Variants in CD96 observed in about 807,000 individuals in gnomAD.
The protein encoded by CD96 is T-cell surface protein tactile.
In CD96, 70 loss-of-function variants were observed where a neutral mutation model predicts 71.3. That is an observed-to-expected ratio of 0.98 (90% confidence interval 0.81 to 1.20). The LOEUF (loss-of-function observed/expected upper bound fraction) is 1.20. Among genes scored for constraint, CD96 ranks in the 50% most tolerant of loss-of-function variants. The probability of loss-of-function intolerance (pLI) is 0.00; values close to 1 mark genes in which losing one functional copy is unlikely to be tolerated. For synonymous variants in CD96, 248 were observed against 233.0 expected, an observed-to-expected ratio of 1.06 and a Z score of -0.59; for missense variants, 742 against 677.5, an observed-to-expected ratio of 1.10 and a Z score of -1.06.
chr3:111,642,959 TA>T (rs1939660662), intron 12 of CD96, among the ~76,000 whole-genome samples: 1 of 151,272 alleles, frequency 6.6e-6, no homozygotes, highest in Non-Finnish European at 1.5e-5. Flanking sequence ...GAATCCTCCC[TA>T]ATTCATTCTG....
intron 2 of CD96, among the ~76,000 whole-genome samples, chr3:111,563,964 G>A (rs1382539183): frequency 6.6e-6 from 1 of 151,896 alleles, no homozygotes; most frequent in Non-Finnish European, 1.5e-5. Flanking sequence ...TAAAATCTTT[G>A]GCTCACATTT....
chr3:111,547,423 T>C (rs1196324652), intron 2 of CD96, among the ~76,000 whole-genome samples: 1 of 152,222 alleles, frequency 6.6e-6, no homozygotes, highest in Non-Finnish European at 1.5e-5. Context: ...ATAGTTTTTT[T>C]TGTACATTCT....
At chr3:111,627,550 G>A (rs1938834949) in intron 10 of CD96, among the ~76,000 whole-genome samples, 2 of 152,226 alleles carry the variant, frequency 1.3e-5, no homozygotes, top group African/African-American at 4.8e-5. Context: ...GACATTTGCT[G>A]TTTGGGCATC....
chr3:111,544,392 C>T (rs1020876401), intron 1 of CD96, among the ~76,000 whole-genome samples: 3 of 151,986 alleles, frequency 2.0e-5, no homozygotes, highest in African/African-American at 7.3e-5. Context: ...ATCTGCCCAC[C>T]TCAGCCTCCC....
chr3:111,592,284 C>T (rs1229678253), intron 5 of CD96, among the ~76,000 whole-genome samples: 2 of 152,182 alleles, frequency 1.3e-5, no homozygotes, highest in African/African-American at 2.4e-5. Flanking sequence ...AAATTACTCT[C>T]TCCCTATAGA....
intron 5 of CD96, chr3:111,594,022 A>G (rs377684966): frequency 1.2e-6 from 2 of 1,614,040 alleles, no homozygotes; most frequent in African/African-American, 1.3e-5. Flanking sequence ...CTAGGTGGAA[A>G]TATTCCCATG....
chr3:111,581,258 T>A (rs1412479541), intron 4 of CD96, among the ~76,000 whole-genome samples: 2 of 152,194 alleles, frequency 1.3e-5, no homozygotes, highest in African/African-American at 4.8e-5. Flanking sequence ...GTAAATTGGC[T>A]GGGCGGGTTG....
At chr3:111,654,083 G>T (rs893281735), downstream of CD96, among the ~76,000 whole-genome samples, 3 of 152,152 alleles carry the variant, frequency 2.0e-5, no homozygotes, top group Non-Finnish European at 2.9e-5. Flanking sequence ...GACTTAGGAG[G>T]GTGGCTTTGA....
intron 12 of CD96, among the ~76,000 whole-genome samples, chr3:111,639,562 C>A (rs1181514233): frequency 6.6e-6 from 1 of 152,184 alleles, no homozygotes; most frequent in African/African-American, 2.4e-5. Flanking sequence ...TAGTGAAAGA[C>A]AAAGGGCATA....
Position 111,585,261 on chromosome 3 carries a change from C to CACACATACAT in CD96, c.752-58_752-57insATACATACAC, listed in dbSNP as rs1232577935. 7 of 915,762 alleles carry CACACATACAT rather than the reference C, an allele frequency of 7.6e-6. No homozygotes were observed. The Admixed American group carries it at 1.2e-4, about 16-fold the overall frequency. The allele number at this position is 915,762 out of a possible 1,614,324, so 56.7% of individuals were successfully genotyped here. A position where few individuals can be genotyped will look rare whatever the true frequency, so the allele number is the denominator to read the frequency against. On this transcript the variant is annotated intron_variant, in intron 4 of 13. Coordinates refer to ENST00000352690, the MANE Select transcript of CD96 (RefSeq NM_005816.5). ...GCTTATAGACACACACACACATACA[C>CACACATACAT]ACACTAGTGGCCAGGTAGGATGACA... is the stretch of plus-strand genomic sequence containing the variant.
intron 4 of CD96, among the ~76,000 whole-genome samples, chr3:111,582,298 A>G (rs946606191): frequency 6.6e-6 from 1 of 152,230 alleles, no homozygotes; most frequent in Non-Finnish European, 1.5e-5. Context: ...ACTGAGTCAT[A>G]GAAGGCTGTG....
intron 4 of CD96, among the ~76,000 whole-genome samples, chr3:111,583,383 A>C (rs971738602): frequency 6.6e-6 from 1 of 152,122 alleles, no homozygotes; most frequent in Non-Finnish European, 1.5e-5. Flanking sequence ...AGCACAGTGC[A>C]ATCTGTTGGT....
At chr3:111,609,093 T>A (rs1448497804) in intron 8 of CD96, among the ~76,000 whole-genome samples, 1 of 152,178 alleles carries the variant, frequency 6.6e-6, no homozygotes, top group African/African-American at 2.4e-5. Flanking sequence ...TTGTATATAT[T>A]TGACTCAGTG....
chr3:111,649,696 A>G lies in CD96; in HGVS notation c.1602-2A>G. 1 of 1,596,684 alleles carries G rather than the reference A, an allele frequency of 6.3e-7. No homozygotes were observed. ...ATTGAAAGACCAATATTTTGTTCCTAGAATGGAAAGACCTCCACCTTTCAA... is the reference window on the plus strand; with the variant it reads ...ATTGAAAGACCAATATTTTGTTCCTGGAATGGAAAGACCTCCACCTTTCAA... On this transcript the variant is annotated splice_acceptor_variant, in intron 13 of 13. Transcript: ENST00000352690. LOFTEE classifies it high-confidence loss of function.
chr3:111,598,260 CAAAG>C (rs747887440), intron 6 of CD96, 50 bp downstream of exon 6: 4 of 831,840 alleles, frequency 4.8e-6, no homozygotes, highest in East Asian at 2.4e-5. Context: ...AGAAAGAAAA[CAAAG>C]AACATTAGAA....
At chr3:111,657,168 C>A (rs1225190582), downstream of CD96, among the ~76,000 whole-genome samples, 3 of 151,942 alleles carry the variant, frequency 2.0e-5, no homozygotes, top group African/African-American at 7.3e-5. Context: ...ACCTGTAATC[C>A]CAGCATTTTG....
At chr3:111,636,536 T>C (rs972788901) in intron 10 of CD96, among the ~76,000 whole-genome samples, 1 of 152,236 alleles carries the variant, frequency 6.6e-6, no homozygotes, top group Non-Finnish European at 1.5e-5. Context: ...AGTGACTCTT[T>C]CTTGCCAGAG....
chr3:111,624,397 C>CA lies in CD96; in HGVS notation c.1320dup (p.Ser441IlefsTer7). The CA allele has an allele frequency of 1.3e-6, 2 of 1,599,306 alleles. No homozygotes were observed. Among genetic ancestry groups the CA allele is most frequent in the Non-Finnish European group, 1.7e-6 (2 of 1,166,604 alleles). Reference sequence around the variant, plus strand: ...CCTGGACCTCCAGTGGGACAGATACCAAAAAATGTTAAGTATAATCGTGGG... The same window carrying CA: ...CCTGGACCTCCAGTGGGACAGATACCAAAAAAATGTTAAGTATAATCGTGGG... On this transcript the variant is annotated frameshift_variant, in exon 10 of 14. Transcript: ENST00000352690. LOFTEE classifies it high-confidence loss of function.
In CD96 at chr3:111,606,692, C is replaced by T; in HGVS notation, c.1088-8C>T. 1 of 1,401,204 alleles carries T rather than the reference C, an allele frequency of 7.1e-7. No homozygotes were observed. Among genetic ancestry groups the T allele is most frequent in the Non-Finnish European group, 1.0e-6 (1 of 985,832 alleles). 86.8% of individuals were successfully genotyped at this position (1,401,204 alleles called of 1,614,324 possible). ...TGTTCATTATAAATCTCTTTCTAAT[C>T]CTTTAAGGTTCTGAAATTTCCTCAA... On this transcript the variant is annotated splice_region_variant and splice_polypyrimidine_tract_variant and intron_variant, in intron 7 of 13. Transcript: ENST00000352690.
Sources: gnomAD v4.1 joint callset for allele counts (sites outside exome capture counted in the v4.1 genomes callset) on GRCh38, gnomAD v4.1.1 for gene constraint, MANE v1.5 for transcripts, NCBI Gene and HGNC (gene_info 2026-07-23, HGNC 2026-07-21) for gene names.